The following SLC15A5 variants were observed in gnomAD, a reference collection of about 807,000 sequenced individuals.
SLC15A5 encodes the protein solute carrier family 15 member 5.
SLC15A5 carries 58 observed loss-of-function variants against 56.1 expected under a neutral mutation model. The ratio of observed to expected loss-of-function variants is 1.03; its 90% CI spans 0.84 to 1.29. SLC15A5 has a LOEUF of 1.29. SLC15A5 is among the 50% of genes most tolerant of loss of function. SLC15A5 has a pLI of 0.00. For synonymous variants in SLC15A5, 264 were observed against 250.5 expected (o/e 1.05, Z -0.51); for missense variants, 681 against 672.1 (o/e 1.01, Z -0.15).
At chr12:16,259,173 A>G (rs1864614099) in intron 2 of SLC15A5, among the ~76,000 whole-genome samples, 1 of 149,446 alleles carries the variant, frequency 6.7e-6, no homozygotes. Context: ...AGCTGGGACC[A>G]CAAGCACGCA....
intron 2 of SLC15A5, among the ~76,000 whole-genome samples, chr12:16,263,631 A>C (rs1864664204): frequency 6.6e-6 from 1 of 152,210 alleles, no homozygotes; most frequent in African/African-American, 2.4e-5. Flanking sequence ...AACCCCTGCC[A>C]TCACAGGCCC....
intron 3 of SLC15A5, among the ~76,000 whole-genome samples, chr12:16,252,030 A>G (rs1436446652): frequency 3.3e-5 from 5 of 152,078 alleles, no homozygotes; most frequent in African/African-American, 1.2e-4. Flanking sequence ...TCAATGTATT[A>G]CATCACATTA....
chr12:16,194,827 A>G (rs562668363), intron 7 of SLC15A5, among the ~76,000 whole-genome samples: 89 of 152,072 alleles, frequency 5.9e-4, no homozygotes, highest in Non-Finnish European at 9.9e-4. Context: ...TTATTTGGCA[A>G]ATATATAGTG....
At chr12:16,251,474 T>C (rs900319750) in intron 3 of SLC15A5, among the ~76,000 whole-genome samples, 17 of 151,552 alleles carry the variant, frequency 1.1e-4, no homozygotes, top group African/African-American at 4.1e-4. Flanking sequence ...ACTCAAATAA[T>C]TAAAATTAGA....
chr12:16,264,532 T>C (rs1864674246), intron 2 of SLC15A5, among the ~76,000 whole-genome samples: 1 of 152,118 alleles, frequency 6.6e-6, no homozygotes, highest in African/African-American at 2.4e-5. Flanking sequence ...TGGGAAGGCA[T>C]GATTGGTTTT....
In SLC15A5 at chr12:16,196,792, G is replaced by A. The variant is rs1341234433; in HGVS notation, c.1484-2339C>T. On this transcript the variant is annotated intron_variant, in intron 7 of 8. Transcript: ENST00000344941. The surrounding 1 kb of genome is among the most constrained non-coding windows in gnomAD (Gnocchi z 4.0). ...ACTATATTATAAGAGAGTCAGATGA[G>A]GAAGAAGAATATAAATTCACTAAGA... Among the ~76,000 whole-genome samples, 1 of 151,880 alleles carries A rather than the reference G, an allele frequency of 6.6e-6. No individual in the cohort carries two copies. Among genetic ancestry groups the A allele is most frequent in the Non-Finnish European group, 1.5e-5 (1 of 67,990 alleles).
At chr12:16,267,733 C>CTT (rs1224683217) in intron 2 of SLC15A5, among the ~76,000 whole-genome samples, 8 of 27,478 alleles carry the variant, frequency 2.9e-4, no homozygotes, top group Non-Finnish European at 3.1e-4. Context: ...CACCCCCCAC[C>CTT]TTTTTTTTTT....
intron 3 of SLC15A5, among the ~76,000 whole-genome samples, chr12:16,245,797 A>G (rs963108684): frequency 3.3e-5 from 5 of 152,200 alleles, no homozygotes. Flanking sequence ...CATTTTGATT[A>G]TGTTCAAGTT....
intron 7 of SLC15A5, among the ~76,000 whole-genome samples, chr12:16,215,470 C>T (rs1864123202): frequency 6.6e-6 from 1 of 152,162 alleles, no homozygotes; most frequent in Non-Finnish European, 1.5e-5. Flanking sequence ...ATGTTCAACA[C>T]TGAAAATGTT....
chr12:16,248,334 A>G (rs1864483726), intron 3 of SLC15A5, among the ~76,000 whole-genome samples: 1 of 152,134 alleles, frequency 6.6e-6, no homozygotes, highest in African/African-American at 2.4e-5. Flanking sequence ...AGTTAAGGAA[A>G]GAGGGCAGGA....
chr12:16,205,557 TATTCCATA>T (rs1864008067), intron 7 of SLC15A5, among the ~76,000 whole-genome samples: 1 of 3,680 alleles, frequency 2.7e-4, no homozygotes, highest in Admixed American at 5.0e-3. Context: ...TATATATATA[TATTCCATA>T]AGAAGGGAAA....
At chr12:16,259,200 T>A (rs62701361) in intron 2 of SLC15A5, among the ~76,000 whole-genome samples, 1 of 41,746 alleles carries the variant, frequency 2.4e-5, no homozygotes, top group Non-Finnish European at 5.0e-5. Flanking sequence ...TACCTGGTAA[T>A]TTTTTTTTTT....
intron 5 of SLC15A5, among the ~76,000 whole-genome samples, chr12:16,224,934 A>T (rs987193480): frequency 7.7e-6 from 1 of 129,528 alleles, no homozygotes; most frequent in East Asian, 2.4e-4. Context: ...GTGTCCAAGT[A>T]TTCTCATTGT....
chr12:16,255,501 A>C (rs1436741419), intron 3 of SLC15A5, among the ~76,000 whole-genome samples: 1 of 152,172 alleles, frequency 6.6e-6, no homozygotes, highest in Non-Finnish European at 1.5e-5. Context: ...GTAGAAATAC[A>C]AAATAGTGCC....
chr12:16,237,416 G>A lies in SLC15A5; in HGVS notation c.1162+2265C>T, dbSNP rs911469211. ...ATCAGTATTCTGTACCCAGTGGAAC[G>A]TAGCTTAGTTTCTTTTGAAGTGAGT... On this transcript the variant is annotated intron_variant, in intron 5 of 8. Coordinates refer to ENST00000344941, the MANE Select transcript of SLC15A5 (RefSeq NM_001170798.1). The surrounding 1 kb of genome is among the most constrained non-coding windows in gnomAD (Gnocchi z 4.1). Among the ~76,000 whole-genome samples the A allele has an allele frequency of 6.6e-6, 1 of 152,170 alleles. No individual in the cohort carries two copies. Among genetic ancestry groups the A allele is most frequent in the Non-Finnish European group, 1.5e-5 (1 of 68,014 alleles).
chr12:16,265,456 A>T (rs1336756363), intron 2 of SLC15A5, among the ~76,000 whole-genome samples: 2 of 152,032 alleles, frequency 1.3e-5, no homozygotes, highest in Non-Finnish European at 2.9e-5. Flanking sequence ...TACTTTCTTG[A>T]ATATTCTGCT....
intron 5 of SLC15A5, among the ~76,000 whole-genome samples, chr12:16,236,219 G>T (rs894895965): frequency 6.6e-6 from 1 of 152,074 alleles, no homozygotes; most frequent in Non-Finnish European, 1.5e-5. Context: ...AATACTCATA[G>T]TGTAAACATT....
chr12:16,215,291 G>T (rs951623258), intron 7 of SLC15A5, among the ~76,000 whole-genome samples: 1 of 151,070 alleles, frequency 6.6e-6, no homozygotes, highest in East Asian at 1.9e-4. Flanking sequence ...CTCTGGGTAG[G>T]TTGCTTAAGC....
intron 1 of SLC15A5, among the ~76,000 whole-genome samples, chr12:16,275,288 G>C (rs938628363): frequency 4.2e-4 from 64 of 152,054 alleles, no homozygotes; most frequent in Middle Eastern, 3.2e-3. Context: ...TACAAGATTA[G>C]AAAACTAGGG....
Sources: allele counts gnomAD v4.1 joint callset (sites outside exome capture counted in the v4.1 genomes callset), GRCh38; gene constraint gnomAD v4.1.1; non-coding constraint Gnocchi (gnomAD v3.1); transcripts MANE v1.5; gene names NCBI Gene and HGNC (gene_info 2026-07-23, HGNC 2026-07-21).